The following CADM2 variants were observed in gnomAD, a reference collection of about 807,000 sequenced individuals.
The protein encoded by CADM2 is immunoglobulin superfamily member 4D.
In CADM2, 12 loss-of-function variants were observed where a neutral mutation model predicts 49.8. The observed-to-expected ratio is 0.24, with a 90% CI of 0.15 to 0.39. The LOEUF is 0.39. Among genes scored for constraint, CADM2 ranks in the 10% least tolerant of loss-of-function variants. The probability of loss-of-function intolerance (pLI) is 1.00; values close to 1 mark genes in which losing one functional copy is unlikely to be tolerated. For missense variants in CADM2, 378 were observed against 492.3 expected (o/e 0.77, Z 2.20); for synonymous variants, 214 against 175.4 (o/e 1.22, Z -1.74).
intron 1 of CADM2, among the ~76,000 whole-genome samples, chr3:85,512,765 C>A (rs545043673): frequency 6.8e-6 from 1 of 147,694 alleles, no homozygotes; most frequent in Non-Finnish European, 1.5e-5. Context: ...AAAGATCATA[C>A]ATACAACAGA....
chr3:86,042,996 A>C (rs1428260470), intron 8 of CADM2, among the ~76,000 whole-genome samples: 1 of 152,240 alleles, frequency 6.6e-6, no homozygotes, highest in Admixed American at 6.5e-5. Flanking sequence ...TTACCTCAAT[A>C]GATGCAGAAA....
chr3:85,014,743 T>G (rs1640082125), intron 1 of CADM2, among the ~76,000 whole-genome samples: 1 of 152,318 alleles, frequency 6.6e-6, no homozygotes, highest in South Asian at 2.1e-4. Context: ...GGCTTCAGTC[T>G]GTCATAAGCT....
At chr3:85,721,481 C>T (rs1299389697) in intron 1 of CADM2, among the ~76,000 whole-genome samples, 1 of 152,104 alleles carries the variant, frequency 6.6e-6, no homozygotes. Flanking sequence ...TCATGACTGC[C>T]AAGGGCGAGT....
intron 1 of CADM2, among the ~76,000 whole-genome samples, chr3:85,285,598 A>G (rs927441038): frequency 3.3e-5 from 5 of 152,090 alleles, no homozygotes; most frequent in Non-Finnish European, 7.4e-5. Context: ...TAAGTGCAAG[A>G]ATAAAATATG....
chr3:85,885,008 C>T (rs528548008), intron 4 of CADM2, among the ~76,000 whole-genome samples: 1 of 151,098 alleles, frequency 6.6e-6, no homozygotes, highest in Non-Finnish European at 1.5e-5. Flanking sequence ...GATGAGCCAC[C>T]GTACCTGGCC....
At chr3:85,844,931 C>T (rs1346578458) in intron 3 of CADM2, among the ~76,000 whole-genome samples, 5 of 151,252 alleles carry the variant, frequency 3.3e-5, no homozygotes, top group South Asian at 2.1e-4. Flanking sequence ...TGGGAGGATA[C>T]GTTAAAGCGA....
chr3:85,631,257 G>A (rs2064297115), intron 1 of CADM2, among the ~76,000 whole-genome samples: 1 of 151,928 alleles, frequency 6.6e-6, no homozygotes, highest in Non-Finnish European at 1.5e-5. Context: ...TCTTCATCTT[G>A]TCCAGGACAG....
At chr3:85,495,805 A>T (rs2039863251) in intron 1 of CADM2, among the ~76,000 whole-genome samples, 1 of 152,024 alleles carries the variant, frequency 6.6e-6, no homozygotes, top group Admixed American at 6.6e-5. Context: ...TAACAGAGTG[A>T]GGAGTCATTC....
chr3:84,990,905 T>G (rs930161095), intron 1 of CADM2, among the ~76,000 whole-genome samples: 1 of 152,130 alleles, frequency 6.6e-6, no homozygotes, highest in East Asian at 1.9e-4. Flanking sequence ...TATTTCACAA[T>G]TTTTTTCTTG....
chr3:85,670,985 G>T (rs1490616089), intron 1 of CADM2, among the ~76,000 whole-genome samples: 1 of 152,146 alleles, frequency 6.6e-6, no homozygotes, highest in East Asian at 1.9e-4. Flanking sequence ...AGTGTGATTA[G>T]TTTGTGGCAG....
chr3:85,555,373 T>G (rs555691572), intron 1 of CADM2, among the ~76,000 whole-genome samples: 1 of 152,312 alleles, frequency 6.6e-6, no homozygotes, highest in East Asian at 1.9e-4. Context: ...AGATCTTAGA[T>G]GCTATTATTC....
chr3:85,319,575 A>T (rs1416322861), intron 1 of CADM2, among the ~76,000 whole-genome samples: 3 of 152,216 alleles, frequency 2.0e-5, no homozygotes, highest in Non-Finnish European at 4.4e-5. Flanking sequence ...CGGATAAAGA[A>T]AATGTGGTAC....
intron 1 of CADM2, among the ~76,000 whole-genome samples, chr3:85,558,150 C>A (rs973286614): frequency 6.6e-6 from 1 of 151,924 alleles, no homozygotes; most frequent in Admixed American, 6.6e-5. Flanking sequence ...GTTATGTTCT[C>A]TTTGTTTCTC....
chr3:85,618,401 T>C (rs996579264), intron 1 of CADM2, among the ~76,000 whole-genome samples: 1 of 152,150 alleles, frequency 6.6e-6, no homozygotes, highest in East Asian at 1.9e-4. Flanking sequence ...TAAGAGTCAT[T>C]AAAGTAAGTA....
At chr3:85,856,268 G>C (rs7644190) in intron 3 of CADM2, among the ~76,000 whole-genome samples, 77,728 of 151,906 alleles carry the variant, frequency 0.51, 21,651 homozygotes, top group East Asian at 0.75. Context: ...TTATTCCTTT[G>C]AGAAATCTAT....
rs1156263870 is a variant in CADM2, at chr3:85,568,493, TTCTTTC to T, written c.62-158027_62-158022del. 3.9e-3 allele frequency among the ~76,000 whole-genome samples: 288 copies of T among 74,634 alleles called. 16 individuals are homozygous for T. Among genetic ancestry groups the T allele is most frequent in the East Asian group, 6.9e-3 (7 of 1,020 alleles). The allele number at this position is 74,634 out of a possible 152,430, so 49.0% of individuals were successfully genotyped here. The stretch of plus-strand genomic sequence containing the variant: ...TCTCTCTCTTTCTTTCTTTCTTTCT[TTCTTTC>T]TTTCTTTCTTTCTTTCCTCCCTCCC... On this transcript the variant is annotated intron_variant, in intron 1 of 9. Transcript: ENST00000383699.
chr3:86,001,695 G>A (rs1412282069), intron 8 of CADM2, among the ~76,000 whole-genome samples: 4 of 152,082 alleles, frequency 2.6e-5, no homozygotes, highest in African/African-American at 9.7e-5. Context: ...AGGAATACTA[G>A]AATTAAAAAT....
intron 1 of CADM2, among the ~76,000 whole-genome samples, chr3:85,455,409 G>A (rs2037944272): frequency 6.6e-6 from 1 of 152,118 alleles, no homozygotes; most frequent in African/African-American, 2.4e-5. Context: ...ACAATATTCT[G>A]TTACATCCAC....
intron 1 of CADM2, among the ~76,000 whole-genome samples, chr3:85,234,395 C>A (rs1661378298): frequency 6.6e-6 from 1 of 152,062 alleles, no homozygotes; most frequent in South Asian, 2.1e-4. Flanking sequence ...AAACAAACCT[C>A]CTAATCTCTC....
Sources: gnomAD v4.1 joint callset for allele counts (sites outside exome capture counted in the v4.1 genomes callset) on GRCh38, gnomAD v4.1.1 for gene constraint, MANE v1.5 for transcripts, NCBI Gene and HGNC (gene_info 2026-07-23, HGNC 2026-07-21) for gene names.